The following CCSER1 variants were observed in gnomAD, a reference collection of about 807,000 sequenced individuals.
The protein encoded by CCSER1 is serine-rich coiled-coil domain-containing protein 1.
Under a neutral mutation model 82.0 loss-of-function variants are expected in CCSER1, and 41 were observed. That is an observed-to-expected ratio of 0.50 (90% CI 0.39 to 0.65). The LOEUF is 0.65. Among genes scored for constraint, CCSER1 ranks in the 30% least tolerant of loss-of-function variants. CCSER1 has a pLI of 0.00. For missense variants in CCSER1, 1,119 were observed against 1,064.2 expected (o/e 1.05, Z -0.72); for synonymous variants, 414 against 383.9 (o/e 1.08, Z -0.92).
intron 1 of CCSER1, among the ~76,000 whole-genome samples, chr4:90,268,258 T>G (rs1725596452): frequency 1.3e-5 from 2 of 152,258 alleles, no homozygotes; most frequent in South Asian, 4.1e-4. Context: ...AATATTATAA[T>G]GTTGTAATTG....
At chr4:90,526,825 T>C (rs557615137) in intron 5 of CCSER1, among the ~76,000 whole-genome samples, 1 of 152,340 alleles carries the variant, frequency 6.6e-6, no homozygotes, top group African/African-American at 2.4e-5. Flanking sequence ...AGGGCTTCAA[T>C]AAACATACGT....
intron 6 of CCSER1, among the ~76,000 whole-genome samples, chr4:90,686,891 C>T (rs1210154979): frequency 6.6e-6 from 1 of 152,152 alleles, no homozygotes; most frequent in Non-Finnish European, 1.5e-5. Flanking sequence ...TATTCGGCAT[C>T]AGGATGCTTC....
intron 10 of CCSER1, among the ~76,000 whole-genome samples, chr4:91,099,278 T>C (rs1399940046): frequency 2.0e-5 from 3 of 152,176 alleles, no homozygotes; most frequent in Non-Finnish European, 4.4e-5. Context: ...GGGAAATATA[T>C]AGAATTTTTC....
chr4:90,476,036 GTGTGTGTGTA>G lies in CCSER1; in HGVS notation c.1724+7692_1724+7701del, dbSNP rs746356477. On this transcript the variant is annotated intron_variant, in intron 5 of 10. Coordinates refer to ENST00000509176, the MANE Select transcript of CCSER1 (RefSeq NM_001145065.2). ...CTTCTTTTCTCGTGTGTGTGTGTGT[GTGTGTGTGTA>G]TGTGTGTGTGTGTGGGTGTGTGTGT... Among the ~76,000 whole-genome samples, 1,087 of 148,654 alleles carry G rather than the reference GTGTGTGTGTA, an allele frequency of 7.3e-3. 11 individuals are homozygous for G. The highest frequency in any genetic ancestry group is 9.4e-3 in the Non-Finnish European group (640 of 67,830).
chr4:91,444,423 C>T (rs764769150), intron 10 of CCSER1, among the ~76,000 whole-genome samples: 1 of 149,794 alleles, frequency 6.7e-6, no homozygotes, highest in Non-Finnish European at 1.5e-5. Context: ...ACACACTGAG[C>T]ACAAATCATT....
intron 7 of CCSER1, among the ~76,000 whole-genome samples, chr4:90,741,485 G>C (rs1746543444): frequency 6.6e-6 from 1 of 152,034 alleles, no homozygotes; most frequent in Non-Finnish European, 1.5e-5. Flanking sequence ...CCAATATTAA[G>C]GTTTTAAAAT....
intron 10 of CCSER1, among the ~76,000 whole-genome samples, chr4:91,454,350 T>A (rs543981605): frequency 6.6e-6 from 1 of 152,136 alleles, no homozygotes; most frequent in African/African-American, 2.4e-5. Flanking sequence ...TCGTGACCCC[T>A]TCCCCCATCT....
chr4:91,061,663 T>C (rs1429463111), intron 9 of CCSER1, among the ~76,000 whole-genome samples: 1 of 152,126 alleles, frequency 6.6e-6, no homozygotes, highest in Non-Finnish European at 1.5e-5. Context: ...TTCATGTTGA[T>C]GGAGGTGTGT....
chr4:90,746,088 C>T (rs1191729930), intron 7 of CCSER1, among the ~76,000 whole-genome samples: 2 of 152,286 alleles, frequency 1.3e-5, no homozygotes, highest in Admixed American at 6.5e-5. Context: ...ATCTCCTCTA[C>T]AAGAATTCCT....
intron 7 of CCSER1, among the ~76,000 whole-genome samples, chr4:90,807,872 T>C (rs1757726271): frequency 6.6e-6 from 1 of 152,126 alleles, no homozygotes; most frequent in Non-Finnish European, 1.5e-5. Flanking sequence ...CCAACGTCAT[T>C]TTTTGCAGAA....
intron 10 of CCSER1, among the ~76,000 whole-genome samples, chr4:91,289,541 C>A (rs1480738392): frequency 6.6e-6 from 1 of 151,938 alleles, no homozygotes; most frequent in Non-Finnish European, 1.5e-5. Context: ...AAATTCAATT[C>A]ATTAAAAGCT....
chr4:91,164,550 G>A lies in CCSER1; in HGVS notation c.2217+78556G>A, dbSNP rs114992443. ...TTTTCAACTTGGTTCCATTCTCCCC[G>A]TCACTTTGAAGTATACCAATCAAAT... On this transcript the variant is annotated intron_variant, in intron 10 of 10. Coordinates refer to ENST00000509176, the MANE Select transcript of CCSER1 (RefSeq NM_001145065.2). 4.1e-3 allele frequency among the ~76,000 whole-genome samples: 630 copies of A among 152,190 alleles called. 5 individuals are homozygous for A. The highest frequency in any genetic ancestry group is 0.014 in the African/African-American group (564 of 41,520).
At chr4:91,352,105 C>A (rs1030595282) in intron 10 of CCSER1, among the ~76,000 whole-genome samples, 3 of 152,092 alleles carry the variant, frequency 2.0e-5, no homozygotes, top group Non-Finnish European at 2.9e-5. Context: ...TAAAAATCAA[C>A]CAAAGGCAAT....
At chr4:91,149,507 C>T (rs1434942955) in intron 10 of CCSER1, among the ~76,000 whole-genome samples, 2 of 152,130 alleles carry the variant, frequency 1.3e-5, no homozygotes, top group Non-Finnish European at 2.9e-5. Context: ...TCAATTCTGG[C>T]TTTTGTTGCC....
chr4:90,830,120 G>T (rs552455588), intron 8 of CCSER1, among the ~76,000 whole-genome samples: 3 of 152,254 alleles, frequency 2.0e-5, no homozygotes, highest in Admixed American at 6.5e-5. Flanking sequence ...AACCATCACC[G>T]GACATTTCTA....
chr4:90,913,495 TA>T (rs1726773544), intron 8 of CCSER1, among the ~76,000 whole-genome samples: 1 of 152,060 alleles, frequency 6.6e-6, no homozygotes. Flanking sequence ...AAAGAAGCAC[TA>T]AATATGGAAA....
chr4:90,336,736 G>A (rs939998801), intron 3 of CCSER1, among the ~76,000 whole-genome samples: 2 of 152,154 alleles, frequency 1.3e-5, no homozygotes, highest in African/African-American at 4.8e-5. Context: ...GGTGATGATG[G>A]TGGTGCGTGT....
intron 10 of CCSER1, among the ~76,000 whole-genome samples, chr4:91,125,803 T>G (rs1727461681): frequency 6.6e-6 from 1 of 151,124 alleles, no homozygotes; most frequent in Admixed American, 6.6e-5. Context: ...ACTACCAACA[T>G]AAACCAAAAA....
intron 8 of CCSER1, among the ~76,000 whole-genome samples, chr4:90,816,532 A>G (rs1048996829): frequency 5.3e-5 from 8 of 152,046 alleles, no homozygotes; most frequent in Admixed American, 2.6e-4. Context: ...TTGCAATAAA[A>G]TGTGCACTCA....
Sources: allele counts gnomAD v4.1 joint callset (sites outside exome capture counted in the v4.1 genomes callset), GRCh38; gene constraint gnomAD v4.1.1; transcripts MANE v1.5; gene names NCBI Gene and HGNC (gene_info 2026-07-23, HGNC 2026-07-21).